ESRRG: variants seen among roughly 807,000 people sequenced by gnomAD.
ESRRG encodes estrogen-related receptor gamma.
ESRRG carries 13 observed loss-of-function variants against 44.0 expected under a neutral mutation model. That is an observed-to-expected ratio of 0.30 (90% CI 0.19 to 0.47). The LOEUF (loss-of-function observed/expected upper bound fraction) is 0.47, where lower values mean the gene tolerates loss of function less well. ESRRG is among the 20% of genes least tolerant of loss of function. The pLI is 1.00. For missense variants in ESRRG, 395 were observed against 580.6 expected (o/e 0.68, Z 3.29); for synonymous variants, 215 against 214.6 (o/e 1.00, Z -0.02).
At chr1:216,594,279 G>A (rs2058115932) in intron 3 of ESRRG, among the ~76,000 whole-genome samples, 1 of 152,032 alleles carries the variant, frequency 6.6e-6, no homozygotes, top group Non-Finnish European at 1.5e-5. Flanking sequence ...GTTCGTTATT[G>A]TTAGCATTTA....
At chr1:217,055,667 C>T (rs1232619000) in intron 1 of ESRRG, among the ~76,000 whole-genome samples, 2 of 152,110 alleles carry the variant, frequency 1.3e-5, no homozygotes, top group Non-Finnish European at 1.5e-5. Flanking sequence ...GGATTCCCTC[C>T]TCAGATATGT....
At chr1:216,852,836 C>T (rs1209308530) in intron 2 of ESRRG, among the ~76,000 whole-genome samples, 1 of 146,076 alleles carries the variant, frequency 6.8e-6, no homozygotes, top group African/African-American at 2.6e-5. Flanking sequence ...CACCAGGGCT[C>T]TTTCCATGTT....
chr1:216,732,970 C>G (rs527256337), intron 2 of ESRRG, among the ~76,000 whole-genome samples: 37 of 151,568 alleles, frequency 2.4e-4, no homozygotes, highest in Non-Finnish European at 2.4e-4. Flanking sequence ...CCCAGCCATA[C>G]AACCACAGCA....
At chr1:216,782,497 C>A (rs2093971780) in intron 2 of ESRRG, among the ~76,000 whole-genome samples, 1 of 152,142 alleles carries the variant, frequency 6.6e-6, no homozygotes, top group Non-Finnish European at 1.5e-5. Context: ...GCCTCAATCA[C>A]CTTTTAACTT....
chr1:216,944,168 C>T (rs11117730), intron 1 of ESRRG, among the ~76,000 whole-genome samples: 24,956 of 152,026 alleles, frequency 0.16, 2,267 homozygotes, highest in Middle Eastern at 0.26. Context: ...TTAGATCTCC[C>T]GATATTTGCC....
At chr1:216,913,655 C>T (rs553157929) in intron 2 of ESRRG, among the ~76,000 whole-genome samples, 1 of 152,360 alleles carries the variant, frequency 6.6e-6, no homozygotes, top group East Asian at 1.9e-4. Flanking sequence ...CGTGCTGCAT[C>T]TGTTTCCTAG....
intron 1 of ESRRG, among the ~76,000 whole-genome samples, chr1:217,131,001 G>A (rs577812893): frequency 1.5e-4 from 23 of 151,986 alleles, no homozygotes; most frequent in Non-Finnish European, 2.8e-4. Context: ...GTAAACTCCC[G>A]TCAAACAGGT....
intron 1 of ESRRG, among the ~76,000 whole-genome samples, chr1:217,106,709 T>G (rs1381313818): frequency 6.6e-6 from 1 of 152,168 alleles, no homozygotes; most frequent in Non-Finnish European, 1.5e-5. Flanking sequence ...TAGCTTTGAA[T>G]TTTGCCTCCT....
At chr1:216,663,901 A>T in intron 2 of ESRRG, among the ~76,000 whole-genome samples, 1 of 152,166 alleles carries the variant, frequency 6.6e-6, no homozygotes, top group Admixed American at 6.6e-5. Flanking sequence ...AGATGATAAA[A>T]ATCCAGAGAA....
intron 2 of ESRRG, among the ~76,000 whole-genome samples, chr1:216,780,617 T>A (rs540523825): frequency 6.6e-6 from 1 of 152,032 alleles, no homozygotes; most frequent in Non-Finnish European, 1.5e-5. Flanking sequence ...TGGAGGGAGA[T>A]CTGAGGCTCT....
chr1:216,649,523 C>T (rs1192686394), intron 3 of ESRRG, among the ~76,000 whole-genome samples: 1 of 152,012 alleles, frequency 6.6e-6, no homozygotes, highest in African/African-American at 2.4e-5. Context: ...CACACACACA[C>T]ACTCTCATAC....
chr1:216,948,490 AAAAAAG>A (rs1396118323), intron 1 of ESRRG, among the ~76,000 whole-genome samples: 1 of 151,560 alleles, frequency 6.6e-6, no homozygotes, highest in Non-Finnish European at 1.5e-5. Context: ...AAAAAAAAAA[AAAAAAG>A]AAAGAAAGAA....
chr1:216,534,635 T>C (rs2050382139), intron 5 of ESRRG, among the ~76,000 whole-genome samples: 1 of 152,200 alleles, frequency 6.6e-6, no homozygotes, highest in Admixed American at 6.5e-5. Flanking sequence ...GGAGTTCATG[T>C]AGCCGAATAA....
At chr1:216,964,718 A>T (rs1461703340) in intron 1 of ESRRG, among the ~76,000 whole-genome samples, 1 of 151,358 alleles carries the variant, frequency 6.6e-6, no homozygotes, top group African/African-American at 2.4e-5. Flanking sequence ...TCCTACTATT[A>T]GTAGTTCTTT....
chr1:216,593,441 C>G (rs960286187), intron 3 of ESRRG, among the ~76,000 whole-genome samples: 1 of 152,202 alleles, frequency 6.6e-6, no homozygotes, highest in African/African-American at 2.4e-5. Flanking sequence ...TGGGCCTTCC[C>G]CATATCCCAA....
chr1:216,940,381 A>C (rs2065018468), intron 1 of ESRRG, among the ~76,000 whole-genome samples: 1 of 152,214 alleles, frequency 6.6e-6, no homozygotes, highest in African/African-American at 2.4e-5. Flanking sequence ...AATGCTTCTC[A>C]TATCTTTACT....
At chr1:216,866,661 C>G (rs2096168787) in intron 2 of ESRRG, among the ~76,000 whole-genome samples, 1 of 151,848 alleles carries the variant, frequency 6.6e-6, no homozygotes, top group Admixed American at 6.6e-5. Flanking sequence ...GTCTTGACCT[C>G]CTAGGCTCCG....
At chr1:216,860,077 A>T (rs1014889045) in intron 2 of ESRRG, among the ~76,000 whole-genome samples, 7 of 152,162 alleles carry the variant, frequency 4.6e-5, no homozygotes, top group African/African-American at 1.7e-4. Flanking sequence ...CAGCCTGGCC[A>T]ACAGGGTGAA....
intron 2 of ESRRG, among the ~76,000 whole-genome samples, chr1:216,905,966 G>A (rs1207806795): frequency 1.3e-5 from 2 of 152,126 alleles, no homozygotes; most frequent in Admixed American, 1.3e-4. Flanking sequence ...GGCCAGCCTG[G>A]TCTCAAATTT....
Sources: allele counts gnomAD v4.1 joint callset (sites outside exome capture counted in the v4.1 genomes callset), GRCh38; gene constraint gnomAD v4.1.1; transcripts MANE v1.5; gene names NCBI Gene and HGNC (gene_info 2026-07-23, HGNC 2026-07-21).